CNTN5: variants seen among roughly 807,000 people sequenced by gnomAD.
CNTN5 encodes contactin 5.
CNTN5 carries 77 observed loss-of-function variants against 129.1 expected under a neutral mutation model. The ratio of observed to expected loss-of-function variants is 0.60; its 90% CI spans 0.50 to 0.72. CNTN5 has a LOEUF of 0.72. Among genes scored for constraint, CNTN5 ranks in the 30% least tolerant of loss-of-function variants. The probability of loss-of-function intolerance (pLI) is 0.00; values close to 1 mark genes in which losing one functional copy is unlikely to be tolerated. For synonymous variants in CNTN5, 509 were observed against 465.6 expected, an observed-to-expected ratio of 1.09 and a Z score of -1.20; for missense variants, 1,478 against 1,328.8, an observed-to-expected ratio of 1.11 and a Z score of -1.75.
chr11:100,060,632 T>A, intron 9 of CNTN5, among the ~76,000 whole-genome samples: 1 of 102,546 alleles, frequency 9.8e-6, no homozygotes, highest in Admixed American at 9.8e-5. Flanking sequence ...AACATAACAA[T>A]TTTTTTTCTT....
At chr11:99,902,481 C>A (rs10894130) in intron 6 of CNTN5, among the ~76,000 whole-genome samples, 18,834 of 151,928 alleles carry the variant, frequency 0.12, 1,517 homozygotes, top group Middle Eastern at 0.19. Flanking sequence ...AGTTGATTTA[C>A]AGAAAAAAAT....
chr11:100,233,346 T>G (rs1217656868), intron 16 of CNTN5, among the ~76,000 whole-genome samples: 3 of 152,182 alleles, frequency 2.0e-5, no homozygotes, highest in Non-Finnish European at 4.4e-5. Flanking sequence ...TGACAAACTT[T>G]GCCTAGGAGT....
intron 13 of CNTN5, among the ~76,000 whole-genome samples, chr11:100,130,830 C>A (rs552835926): frequency 1.3e-5 from 2 of 151,878 alleles, no homozygotes; most frequent in African/African-American, 4.8e-5. Context: ...ACAGTTTTGG[C>A]GGGGGAAAAT....
chr11:99,434,141 T>A (rs548978289), intron 2 of CNTN5, among the ~76,000 whole-genome samples: 1 of 152,274 alleles, frequency 6.6e-6, no homozygotes, highest in African/African-American at 2.4e-5. Context: ...TATTTAATTA[T>A]CTCATTAAAG....
intron 21 of CNTN5, chr11:100,337,472 A>G: frequency 1.3e-6 from 1 of 745,572 alleles, no homozygotes. Flanking sequence ...AGTCTTACCC[A>G]AGACCTGAGG....
chr11:99,037,561 C>A (rs1385839218), intron 1 of CNTN5, among the ~76,000 whole-genome samples: 2 of 145,908 alleles, frequency 1.4e-5, no homozygotes, highest in Non-Finnish European at 3.0e-5. Context: ...CATATTTTTC[C>A]TTCTTTTTTC....
chr11:99,939,831 T>C (rs776200436), intron 7 of CNTN5, among the ~76,000 whole-genome samples: 6 of 152,140 alleles, frequency 3.9e-5, no homozygotes, highest in Non-Finnish European at 7.4e-5. Flanking sequence ...CTCCTCTATA[T>C]GTTTGTGTTA....
chr11:99,042,599 C>G (rs4754578), intron 1 of CNTN5, among the ~76,000 whole-genome samples: 91 of 151,762 alleles, frequency 6.0e-4, no homozygotes, highest in African/African-American at 2.0e-3. Flanking sequence ...ATGGTCTCGA[C>G]CTTCTGACCT....
intron 3 of CNTN5, among the ~76,000 whole-genome samples, chr11:99,767,627 CAAA>C (rs11308192): frequency 4.8e-5 from 7 of 144,564 alleles, no homozygotes; most frequent in South Asian, 2.2e-4. Context: ...GTTTTTAAAC[CAAA>C]AAAAAAAAAA....
At chr11:100,001,130 G>T (rs928226499) in intron 8 of CNTN5, among the ~76,000 whole-genome samples, 1 of 152,284 alleles carries the variant, frequency 6.6e-6, no homozygotes, top group East Asian at 1.9e-4. Context: ...CTGCAGCCGG[G>T]TTTAATTTCT....
At chr11:99,747,991 T>C (rs1289703166) in intron 3 of CNTN5, among the ~76,000 whole-genome samples, 1 of 152,218 alleles carries the variant, frequency 6.6e-6, no homozygotes, top group Non-Finnish European at 1.5e-5. Flanking sequence ...TTCTTCATTT[T>C]ATTAATGTGG....
chr11:99,031,771 T>A (rs1863386511), intron 1 of CNTN5, among the ~76,000 whole-genome samples: 1 of 152,156 alleles, frequency 6.6e-6, no homozygotes, highest in African/African-American at 2.4e-5. Context: ...TTTCTTTTTT[T>A]TTTTATTATT....
At chr11:100,158,143 G>T (rs1947319814) in intron 13 of CNTN5, among the ~76,000 whole-genome samples, 1 of 151,724 alleles carries the variant, frequency 6.6e-6, no homozygotes, top group South Asian at 2.1e-4. Context: ...ACTCAGAAGA[G>T]AAAGATGAGT....
intron 6 of CNTN5, among the ~76,000 whole-genome samples, chr11:99,866,396 T>C (rs1382600470): frequency 6.6e-6 from 1 of 152,206 alleles, no homozygotes; most frequent in Non-Finnish European, 1.5e-5. Context: ...GCTTGGAACA[T>C]TATTAGATAC....
At chr11:99,303,065 T>C (rs1171179246) in intron 1 of CNTN5, among the ~76,000 whole-genome samples, 1 of 151,782 alleles carries the variant, frequency 6.6e-6, no homozygotes, top group Non-Finnish European at 1.5e-5. Context: ...ATTATATAAA[T>C]AACTAGTCAT....
intron 1 of CNTN5, among the ~76,000 whole-genome samples, chr11:99,051,005 C>T (rs540680279): frequency 6.6e-6 from 1 of 151,844 alleles, no homozygotes; most frequent in Middle Eastern, 3.4e-3. Flanking sequence ...ATGTATATTA[C>T]ATAATACTTG....
intron 1 of CNTN5, among the ~76,000 whole-genome samples, chr11:99,253,897 T>TTTTATATA (rs376157994): frequency 4.3e-5 from 6 of 139,062 alleles, no homozygotes; most frequent in African/African-American, 1.6e-4. Flanking sequence ...AAATATACGT[T>TTTTATATA]TATATATATA....
At chr11:99,813,792 A>G (rs752842498) in intron 3 of CNTN5, among the ~76,000 whole-genome samples, 2 of 152,092 alleles carry the variant, frequency 1.3e-5, no homozygotes, top group Non-Finnish European at 2.9e-5. Flanking sequence ...AAAAGAAATA[A>G]CTGTGTCATA....
chr11:100,128,820 C>T (rs555178642), intron 13 of CNTN5, among the ~76,000 whole-genome samples: 1 of 152,150 alleles, frequency 6.6e-6, no homozygotes, highest in Non-Finnish European at 1.5e-5. Context: ...TGCCACCCCC[C>T]TAAGCCAACT....
Sources: gnomAD v4.1 joint callset for allele counts (sites outside exome capture counted in the v4.1 genomes callset) on GRCh38, gnomAD v4.1.1 for gene constraint, MANE v1.5 for transcripts, NCBI Gene and HGNC (gene_info 2026-07-23, HGNC 2026-07-21) for gene names.